Variants in NKAIN2 observed in about 807,000 individuals in gnomAD.
NKAIN2 encodes sodium/potassium transporting ATPase interacting 2.
A neutral mutation model predicts 32.6 loss-of-function variants in NKAIN2; 14 were observed. That is an observed-to-expected ratio of 0.43 (90% CI 0.28 to 0.67). NKAIN2 has a LOEUF of 0.67. NKAIN2 is among the 30% of genes least tolerant of loss of function. The pLI, the probability that NKAIN2 is intolerant of heterozygous loss-of-function variation, is 0.17. For missense variants in NKAIN2, 198 were observed against 258.3 expected, an observed-to-expected ratio of 0.77 and a Z score of 1.60; for synonymous variants, 80 against 87.2, an observed-to-expected ratio of 0.92 and a Z score of 0.46.
intron 3 of NKAIN2, among the ~76,000 whole-genome samples, chr6:124,473,670 A>T (rs1025205815): frequency 6.6e-6 from 1 of 152,154 alleles, no homozygotes; most frequent in Non-Finnish European, 1.5e-5. Flanking sequence ...GCTCTTCTAT[A>T]TGCTCCATTG....
intron 1 of NKAIN2, among the ~76,000 whole-genome samples, chr6:124,229,644 G>A (rs1792341466): frequency 1.3e-5 from 2 of 152,034 alleles, no homozygotes; most frequent in African/African-American, 2.4e-5. Flanking sequence ...GGGACCTGGT[G>A]GGAGATAATT....
intron 1 of NKAIN2, among the ~76,000 whole-genome samples, chr6:123,940,934 C>A (rs1776787664): frequency 6.6e-6 from 1 of 151,828 alleles, no homozygotes. Flanking sequence ...ACTTTTGATT[C>A]TTTTGTAATA....
chr6:124,384,241 ATTG>A, intron 3 of NKAIN2, among the ~76,000 whole-genome samples: 1 of 152,228 alleles, frequency 6.6e-6, no homozygotes, highest in East Asian at 1.9e-4. Context: ...CTTGTTCGCT[ATTG>A]TTCTTATCAC....
At chr6:124,419,048 T>A (rs1280566620) in intron 3 of NKAIN2, among the ~76,000 whole-genome samples, 1 of 152,116 alleles carries the variant, frequency 6.6e-6, no homozygotes, top group African/African-American at 2.4e-5. Flanking sequence ...TGATTTGCAT[T>A]TACTCTGCCT....
At chr6:123,938,447 T>C (rs1043791729) in intron 1 of NKAIN2, among the ~76,000 whole-genome samples, 159 of 55,654 alleles carry the variant, frequency 2.9e-3, no homozygotes, top group African/African-American at 0.012. Context: ...TATATATATA[T>C]ATATACACAC....
At chr6:124,275,274 A>G (rs933051497) in intron 1 of NKAIN2, among the ~76,000 whole-genome samples, 4 of 152,116 alleles carry the variant, frequency 2.6e-5, no homozygotes, top group Admixed American at 6.5e-5. Context: ...TTTGACTTCT[A>G]TGGGGGCTTT....
At chr6:124,158,355 A>C (rs1388511294) in intron 1 of NKAIN2, among the ~76,000 whole-genome samples, 1 of 152,168 alleles carries the variant, frequency 6.6e-6, no homozygotes, top group Admixed American at 6.5e-5. Context: ...GTCTCTGAAC[A>C]TAGTCACTCT....
intron 1 of NKAIN2, among the ~76,000 whole-genome samples, chr6:123,932,519 C>G (rs996885322): frequency 6.6e-6 from 1 of 151,036 alleles, no homozygotes; most frequent in African/African-American, 2.4e-5. Flanking sequence ...CGGGTTCACG[C>G]CATTCTCCTG....
intron 4 of NKAIN2, among the ~76,000 whole-genome samples, chr6:124,718,320 A>G (rs545528875): frequency 6.6e-5 from 10 of 152,312 alleles, no homozygotes; most frequent in African/African-American, 1.9e-4. Context: ...GTCTGAGTGC[A>G]ATCATACGAC....
chr6:123,943,519 GCTCCTGA>G (rs1290450541), intron 1 of NKAIN2, among the ~76,000 whole-genome samples: 4 of 151,970 alleles, frequency 2.6e-5, no homozygotes, highest in Non-Finnish European at 5.9e-5. Context: ...CTTGGATTCA[GCTCCTGA>G]CTATGCTTCT....
chr6:124,507,746 T>C (rs1778542718), intron 3 of NKAIN2, among the ~76,000 whole-genome samples: 1 of 152,194 alleles, frequency 6.6e-6, no homozygotes, highest in African/African-American at 2.4e-5. Flanking sequence ...ATTTATGATA[T>C]GAGGTTCAGT....
At chr6:124,634,842 A>G (rs913590754) in intron 3 of NKAIN2, among the ~76,000 whole-genome samples, 2 of 152,030 alleles carry the variant, frequency 1.3e-5, no homozygotes, top group Non-Finnish European at 1.5e-5. Context: ...AAAAACAAAC[A>G]AACAAACAAA....
intron 3 of NKAIN2, among the ~76,000 whole-genome samples, chr6:124,493,706 A>ACCC (rs145974986): frequency 5.1e-5 from 5 of 98,276 alleles, no homozygotes; most frequent in African/African-American, 2.3e-4. Context: ...CTGCACACCA[A>ACCC]CCCCCCCCTC....
intron 3 of NKAIN2, among the ~76,000 whole-genome samples, chr6:124,570,958 C>A (rs2114917296): frequency 6.6e-6 from 1 of 152,288 alleles, no homozygotes; most frequent in Admixed American, 6.5e-5. Flanking sequence ...GGCAGAGCTG[C>A]CCAAGACCAT....
intron 2 of NKAIN2, among the ~76,000 whole-genome samples, chr6:124,304,504 G>A (rs955480579): frequency 6.6e-6 from 1 of 152,192 alleles, no homozygotes. Flanking sequence ...AGTATAGTTA[G>A]AGTAGAAAAA....
At chr6:124,174,470 T>C (rs887253406) in intron 1 of NKAIN2, among the ~76,000 whole-genome samples, 1 of 152,118 alleles carries the variant, frequency 6.6e-6, no homozygotes, top group Non-Finnish European at 1.5e-5. Context: ...GAAGAAAAAC[T>C]CATAATTTTA....
intron 3 of NKAIN2, among the ~76,000 whole-genome samples, chr6:124,622,216 C>A (rs1455656289): frequency 1.3e-5 from 2 of 152,194 alleles, no homozygotes; most frequent in East Asian, 3.9e-4. Context: ...CTGCCTCCAT[C>A]TTTGCATGGC....
At chr6:124,763,136 G>A (rs1476313337) in intron 4 of NKAIN2, among the ~76,000 whole-genome samples, 4 of 152,164 alleles carry the variant, frequency 2.6e-5, no homozygotes, top group Non-Finnish European at 5.9e-5. Flanking sequence ...GGGGTTGGGG[G>A]AAAGCAGGGT....
At chr6:124,167,325 T>C (rs1472127832) in intron 1 of NKAIN2, among the ~76,000 whole-genome samples, 1 of 150,936 alleles carries the variant, frequency 6.6e-6, no homozygotes, top group Non-Finnish European at 1.5e-5. Context: ...TGTTTGTCTG[T>C]TATTGGTGTA....
Sources: gnomAD v4.1 joint callset for allele counts (sites outside exome capture counted in the v4.1 genomes callset) on GRCh38, gnomAD v4.1.1 for gene constraint, MANE v1.5 for transcripts, NCBI Gene and HGNC (gene_info 2026-07-23, HGNC 2026-07-21) for gene names.